The following SPATS2 variants were observed in gnomAD, a reference collection of about 807,000 sequenced individuals.
The protein encoded by SPATS2 is spermatogenesis-associated serine-rich protein 2.
A neutral mutation model predicts 63.7 loss-of-function variants in SPATS2; 38 were observed. The observed-to-expected ratio is 0.60, with a 90% CI of 0.46 to 0.78. The LOEUF (loss-of-function observed/expected upper bound fraction) is 0.78, where lower values mean the gene tolerates loss of function less well. Among genes scored for constraint, SPATS2 ranks in the 30% least tolerant of loss-of-function variants. The pLI is 0.00. For synonymous variants in SPATS2, 207 were observed against 232.9 expected, an observed-to-expected ratio of 0.89 and a Z score of 1.01; for missense variants, 588 against 666.2, an observed-to-expected ratio of 0.88 and a Z score of 1.29.
intron 2 of SPATS2, among the ~76,000 whole-genome samples, chr12:49,436,633 G>A (rs1365911977): frequency 1.6e-5 from 2 of 125,484 alleles, no homozygotes; most frequent in African/African-American, 3.0e-5. Flanking sequence ...CCTCCCGGAC[G>A]GGGCGGCTGG....
chr12:49,484,835 G>A (rs181392763), intron 4 of SPATS2, among the ~76,000 whole-genome samples, 166 bp downstream of exon 4: 15 of 152,204 alleles, frequency 9.9e-5, no homozygotes, highest in Admixed American at 7.2e-4. Context: ...TGATTGCGCA[G>A]AACCTATTAA....
chr12:49,367,430 C>G, upstream of SPATS2: 1 of 397,598 alleles, frequency 2.5e-6, no homozygotes, highest in Non-Finnish European at 4.4e-6. Flanking sequence ...GGGCGGCGTC[C>G]GGCTCTGAGA....
rs11169030 is a variant in SPATS2, at chr12:49,461,426, C to T, written c.25+389C>T. Among the ~76,000 whole-genome samples, 197 of 152,182 alleles carry T rather than the reference C, an allele frequency of 1.3e-3. 1 individual carries two copies. Among genetic ancestry groups the T allele is most frequent in the African/African-American group, 4.2e-3 (176 of 41,534 alleles). ...TTGTTTCCTTCTTTAGCTTTCCTTCCGGGAATGTTCTTCTAGCTTCTTATC... is the reference window on the plus strand; with the variant it reads ...TTGTTTCCTTCTTTAGCTTTCCTTCTGGGAATGTTCTTCTAGCTTCTTATC... On this transcript the variant is annotated intron_variant, in intron 3 of 13. Coordinates refer to ENST00000552918, the MANE Select transcript of SPATS2 (RefSeq NM_023071.4).
chr12:49,466,656 T>G (rs1945921687), intron 3 of SPATS2, among the ~76,000 whole-genome samples: 1 of 152,238 alleles, frequency 6.6e-6, no homozygotes, highest in Admixed American at 6.5e-5. Flanking sequence ...TTGATGTATA[T>G]GTCTGTCTTT....
At position 49,506,853 on chromosome 12, in the gene SPATS2, A is replaced by T. The variant is rs79786021; in HGVS notation, c.839+6648A>T. ...TGTCTCTTTAAAAAAAAAAAAAAAA[A>T]TTTCGATTTACAGTGGGTTTATTGG... On this transcript the variant is annotated intron_variant, in intron 9 of 13. Transcript: ENST00000552918. 1.6e-4 allele frequency among the ~76,000 whole-genome samples: 24 copies of T among 150,620 alleles called. 1 individual carries two copies. The South Asian group carries it at 2.5e-3, about 16-fold the overall frequency.
chr12:49,399,978 G>A (rs1250108513), intron 2 of SPATS2, among the ~76,000 whole-genome samples: 1 of 152,212 alleles, frequency 6.6e-6, no homozygotes, highest in Non-Finnish European at 1.5e-5. Flanking sequence ...GGAGCTTGCA[G>A]TGAGCAGCGA....
intron 4 of SPATS2, chr12:49,486,371 A>G: frequency 3.1e-6 from 1 of 319,112 alleles, no homozygotes; most frequent in Non-Finnish European, 6.2e-6. Context: ...ATGCCTGGCT[A>G]AGTTTTTATA....
intron 3 of SPATS2, among the ~76,000 whole-genome samples, chr12:49,464,626 T>G (rs1945878542): frequency 2.5e-5 from 3 of 120,132 alleles, no homozygotes; most frequent in South Asian, 5.2e-4. Flanking sequence ...AAACTCCATC[T>G]TAAAAAAAAA....
intron 3 of SPATS2, among the ~76,000 whole-genome samples, chr12:49,472,981 T>G (rs2137764043): frequency 6.7e-6 from 1 of 149,298 alleles, no homozygotes; most frequent in African/African-American, 2.5e-5. Context: ...GCCCGGGTAG[T>G]CGAGGCTGCA....
rs1032810410 is a variant in SPATS2 at position 49,527,386 on chromosome 12, T to C, written c.*1131T>C. 1.3e-5 allele frequency: 2 copies of C among 152,078 alleles called. No individual in the cohort carries two copies. Among genetic ancestry groups the C allele is most frequent in the African/African-American group, 4.8e-5 (2 of 41,322 alleles). 9.4% of individuals were successfully genotyped at this position (152,078 alleles called of 1,614,324 possible). A position where few individuals can be genotyped will look rare whatever the true frequency, so the allele number is the denominator to read the frequency against. The stretch of plus-strand genomic sequence containing the variant: ...TCATCAAAAAAATTGCTGCAGTCTT[T>C]ACAGTTGAATAAATAAAAACAACTG... On this transcript the variant is annotated 3_prime_UTR_variant, in exon 14 of 14. Transcript: ENST00000552918.
At chr12:49,418,360 C>T (rs937729677) in intron 2 of SPATS2, among the ~76,000 whole-genome samples, 3 of 151,914 alleles carry the variant, frequency 2.0e-5, no homozygotes, top group East Asian at 1.9e-4. Flanking sequence ...AGTGCAATGG[C>T]GTGATCTCGG....
intron 9 of SPATS2, among the ~76,000 whole-genome samples, chr12:49,510,421 G>C (rs1158809391): frequency 6.6e-6 from 1 of 150,824 alleles, no homozygotes; most frequent in Non-Finnish European, 1.5e-5. Flanking sequence ...AAAATTAGCT[G>C]GGCATGGTAG....
At chr12:49,498,253 G>A (rs1280303295) in intron 8 of SPATS2, among the ~76,000 whole-genome samples, 1 of 150,040 alleles carries the variant, frequency 6.7e-6, no homozygotes, top group African/African-American at 2.5e-5. Context: ...AAAAAAATTG[G>A]AAATGCATAT....
intron 7 of SPATS2, among the ~76,000 whole-genome samples, chr12:49,495,477 G>A (rs546297142): frequency 1.2e-3 from 180 of 152,080 alleles, no homozygotes; most frequent in African/African-American, 4.0e-3. Flanking sequence ...GATTACAGGC[G>A]TTGCCCACCG....
chr12:49,434,113 T>C (rs1053097464), intron 2 of SPATS2, among the ~76,000 whole-genome samples: 44 of 152,188 alleles, frequency 2.9e-4, no homozygotes, highest in African/African-American at 1.1e-3. Flanking sequence ...ATTTCTGGGC[T>C]CTCTATTCTA....
At chr12:49,479,664 G>A (rs1946174201) in intron 3 of SPATS2, among the ~76,000 whole-genome samples, 1 of 152,148 alleles carries the variant, frequency 6.6e-6, no homozygotes, top group Admixed American at 6.5e-5. Flanking sequence ...CCCACTTTCA[G>A]GCTCCACTGA....
intron 9 of SPATS2, among the ~76,000 whole-genome samples, chr12:49,506,546 C>G (rs1946657613): frequency 6.6e-6 from 1 of 152,148 alleles, no homozygotes; most frequent in African/African-American, 2.4e-5. Flanking sequence ...CCACCCTTGA[C>G]ACTTGGCGAT....
At chr12:49,486,271 C>G (rs978763511) in intron 4 of SPATS2, 1 of 448,780 alleles carries the variant, frequency 2.2e-6, no homozygotes, top group Admixed American at 2.4e-5. Context: ...GTGGCGTGAT[C>G]TCAGCTCACT....
chr12:49,509,457 C>T (rs1946711847), intron 9 of SPATS2, among the ~76,000 whole-genome samples: 1 of 151,736 alleles, frequency 6.6e-6, no homozygotes, highest in Non-Finnish European at 1.5e-5. Context: ...CTAGTAGAGA[C>T]AGGGTTTCAT....
Sources: gnomAD v4.1 joint callset for allele counts (sites outside exome capture counted in the v4.1 genomes callset) on GRCh38, gnomAD v4.1.1 for gene constraint, MANE v1.5 for transcripts, NCBI Gene and HGNC (gene_info 2026-07-23, HGNC 2026-07-21) for gene names.